The following PARP11 variants were observed in gnomAD, a reference collection of about 807,000 sequenced individuals.
The protein encoded by PARP11 is poly(ADP-ribose) polymerase family member 11.
Under a neutral mutation model 42.9 loss-of-function variants are expected in PARP11, and 31 were observed. That is an observed-to-expected ratio of 0.72 (90% confidence interval 0.54 to 0.98). PARP11 has a LOEUF of 0.98. Ranked by LOEUF, PARP11 falls within the 50% of genes least tolerant of loss-of-function variation. The pLI is 0.00. For missense variants in PARP11, 365 were observed against 413.1 expected (o/e 0.88, Z 1.01); for synonymous variants, 137 against 127.3 (o/e 1.08, Z -0.51).
intron 4 of PARP11, among the ~76,000 whole-genome samples, chr12:3,823,025 AC>A (rs1947432332): frequency 6.6e-6 from 1 of 152,168 alleles, no homozygotes; most frequent in Admixed American, 6.5e-5. Context: ...TGTTCAAGCC[AC>A]CCGATGTGAA....
intron 6 of PARP11, among the ~76,000 whole-genome samples, chr12:3,820,893 C>T (rs1947378944): frequency 6.6e-6 from 1 of 152,114 alleles, no homozygotes; most frequent in African/African-American, 2.4e-5. Context: ...GAGAATAAAA[C>T]CTGAAATGTA....
At chr12:3,837,669 A>T (rs1046371626) in intron 1 of PARP11, among the ~76,000 whole-genome samples, 2 of 152,048 alleles carry the variant, frequency 1.3e-5, no homozygotes, top group Non-Finnish European at 2.9e-5. Flanking sequence ...TGGCGAAGAA[A>T]AAAAAAAACC....
At chr12:3,821,837 T>C (rs756543242) in intron 6 of PARP11, 36 bp downstream of exon 6, 1 of 1,582,612 alleles carries the variant, frequency 6.3e-7, no homozygotes, top group Admixed American at 1.9e-5. Flanking sequence ...AAAGACATAG[T>C]GGAAAGGAGA....
intron 1 of PARP11, among the ~76,000 whole-genome samples, chr12:3,854,161 T>C (rs1051229965): frequency 2.6e-5 from 4 of 152,142 alleles, no homozygotes; most frequent in Admixed American, 6.5e-5. Context: ...TTTACAGCAC[T>C]AAATGCCCAC....
At chr12:3,828,237 T>C (rs187118521) in intron 3 of PARP11, among the ~76,000 whole-genome samples, 2 of 152,258 alleles carry the variant, frequency 1.3e-5, no homozygotes, top group African/African-American at 4.8e-5. Flanking sequence ...TCACTTAACA[T>C]CTGTTTGATC....
rs1163399369 is a variant in PARP11 at position 3,810,761 on chromosome 12, AAAGAGG to A, written c.*1356_*1361del. ...GAGGAAGAGAAAAAGGAAGAGAGAG[AAAGAGG>A]AAGAGGAGAGGAAGAGAAGAGGAAG... On this transcript the variant is annotated 3_prime_UTR_variant, in exon 8 of 8. Coordinates refer to ENST00000228820, the MANE Select transcript of PARP11 (RefSeq NM_020367.6). 6.6e-6 allele frequency: 1 copy of A among 152,000 alleles called. No individual in the cohort carries two copies. Among genetic ancestry groups the A allele is most frequent in the Non-Finnish European group, 1.5e-5 (1 of 68,166 alleles). 9.4% of individuals were successfully genotyped at this position (152,000 alleles called of 1,614,324 possible).
intron 1 of PARP11, among the ~76,000 whole-genome samples, chr12:3,857,539 TGCTAATAC>T (rs1948215858): frequency 6.6e-6 from 1 of 152,118 alleles, no homozygotes; most frequent in Non-Finnish European, 1.5e-5. Context: ...TGCTGGGATG[TGCTAATAC>T]ACATATAAGT....
chr12:3,847,682 T>TA (rs1948028877), intron 1 of PARP11, among the ~76,000 whole-genome samples: 1 of 152,078 alleles, frequency 6.6e-6, no homozygotes, highest in Non-Finnish European at 1.5e-5. Context: ...CTCAAAATAA[T>TA]AAAGGCCAGA....
intron 1 of PARP11, among the ~76,000 whole-genome samples, chr12:3,856,344 G>A (rs1187617525): frequency 6.6e-6 from 1 of 152,054 alleles, no homozygotes; most frequent in Admixed American, 6.6e-5. Context: ...CCTACAGAAT[G>A]GGAAAAAATT....
Position 3,840,919 on chromosome 12 carries a change from C to T in PARP11, c.19-10901G>A, listed in dbSNP as rs1481743294. 6 of 1,603,572 alleles carry T rather than the reference C, an allele frequency of 3.7e-6. No homozygotes were observed. Among genetic ancestry groups the T allele is most frequent in the East Asian group, 4.5e-5 (2 of 44,846 alleles). On this transcript the variant is annotated intron_variant, in intron 1 of 7. Transcript: ENST00000228820. The surrounding 1 kb of genome is among the most constrained non-coding windows in gnomAD (Gnocchi z 4.4). ...CCTTCTAGTTTCTCCAGAGGTACAT[C>T]TAACTCCTGCAGTGCCTTCTTTACC...
At chr12:3,862,535 C>A (rs1170487280) in intron 1 of PARP11, among the ~76,000 whole-genome samples, 1 of 150,596 alleles carries the variant, frequency 6.6e-6, no homozygotes, top group Non-Finnish European at 1.5e-5. Context: ...GTCTATGATC[C>A]ATTTTTAGTA....
intron 1 of PARP11, among the ~76,000 whole-genome samples, chr12:3,849,550 C>T (rs1948058774): frequency 6.6e-6 from 1 of 152,076 alleles, no homozygotes; most frequent in Non-Finnish European, 1.5e-5. Context: ...ATAAGCCAAG[C>T]ACGGAAAGAC....
At chr12:3,824,605 T>G in intron 4 of PARP11, 4 of 981,264 alleles carry the variant, frequency 4.1e-6, no homozygotes, top group Non-Finnish European at 4.8e-6. Context: ...CCTTTTATTA[T>G]TATCTTGCTT....
At chr12:3,852,480 AT>A (rs1948116012) in intron 1 of PARP11, among the ~76,000 whole-genome samples, 1 of 152,214 alleles carries the variant, frequency 6.6e-6, no homozygotes, top group South Asian at 2.1e-4. Context: ...CACAAGAACT[AT>A]GTGACGCATG....
intron 1 of PARP11, among the ~76,000 whole-genome samples, chr12:3,830,602 A>G (rs2231377): frequency 0.12 from 18,027 of 152,220 alleles, 1,331 homozygotes; most frequent in Admixed American, 0.23. Context: ...GGATGTATAT[A>G]TAACAATCTA....
At position 3,809,180 on chromosome 12, in the gene PARP11, G is replaced by T. The variant is rs1453364128; in HGVS notation, c.*2943C>A. On this transcript the variant is annotated 3_prime_UTR_variant, in exon 8 of 8. Transcript: ENST00000228820. ...ACTCTATGGGATGATAACAGGAAAAGATGGCAAATGGTTGTGTCCAGTATT... is the reference window on the plus strand; with the variant it reads ...ACTCTATGGGATGATAACAGGAAAATATGGCAAATGGTTGTGTCCAGTATT... The T allele has an allele frequency of 6.6e-6, 1 of 152,100 alleles. No homozygotes were observed. Among genetic ancestry groups the T allele is most frequent in the African/African-American group, 2.4e-5 (1 of 41,412 alleles). 9.4% of individuals were successfully genotyped at this position (152,100 alleles called of 1,614,324 possible).
chr12:3,840,436 C>T lies in PARP11; in HGVS notation c.19-10418G>A. The T allele has an allele frequency of 6.2e-7, 1 of 1,613,228 alleles. No homozygotes were observed. Among genetic ancestry groups the T allele is most frequent in the Admixed American group, 1.7e-5 (1 of 60,030 alleles). ...AAAAGCCCCATTAGCACTACCTCCT[C>T]GACTGCAGCATCCTTCAGGAGTAAG... On this transcript the variant is annotated intron_variant, in intron 1 of 7. Coordinates refer to ENST00000228820, the MANE Select transcript of PARP11 (RefSeq NM_020367.6). The surrounding 1 kb of genome is among the most constrained non-coding windows in gnomAD (Gnocchi z 4.4).
chr12:3,862,836 A>G (rs1948321134), intron 1 of PARP11, among the ~76,000 whole-genome samples: 1 of 152,030 alleles, frequency 6.6e-6, no homozygotes, highest in African/African-American at 2.4e-5. Flanking sequence ...GTTGCTTCAC[A>G]TTGAATCATT....
Position 3,840,923 on chromosome 12 carries a change from C to T in PARP11, c.19-10905G>A. ...CTAGTTTCTCCAGAGGTACATCTAA[C>T]TCCTGCAGTGCCTTCTTTACCAGCC... On this transcript the variant is annotated intron_variant, in intron 1 of 7. Transcript: ENST00000228820. This position sits in a 1 kb window ranked among gnomAD's most constrained non-coding sequence, Gnocchi z 4.4. The T allele has an allele frequency of 6.2e-7, 1 of 1,604,162 alleles. No homozygotes were observed. The highest frequency in any genetic ancestry group is 8.5e-7 in the Non-Finnish European group (1 of 1,170,928).
Sources: allele counts gnomAD v4.1 joint callset (sites outside exome capture counted in the v4.1 genomes callset), GRCh38; gene constraint gnomAD v4.1.1; non-coding constraint Gnocchi (gnomAD v3.1); transcripts MANE v1.5; gene names NCBI Gene and HGNC (gene_info 2026-07-23, HGNC 2026-07-21).